Variants in FAM13A observed in about 807,000 individuals in gnomAD.
FAM13A encodes protein FAM13A.
Under a neutral mutation model 129.6 loss-of-function variants are expected in FAM13A, and 76 were observed. The observed-to-expected ratio is 0.59, with a 90% CI of 0.49 to 0.71. The LOEUF is 0.71. FAM13A is among the 30% of genes least tolerant of loss of function. The pLI, the probability that FAM13A is intolerant of heterozygous loss-of-function variation, is 0.00. For synonymous variants in FAM13A, 443 were observed against 449.9 expected, an observed-to-expected ratio of 0.98 and a Z score of 0.20; for missense variants, 1,108 against 1,249.3, an observed-to-expected ratio of 0.89 and a Z score of 1.70.
intron 6 of FAM13A, among the ~76,000 whole-genome samples, chr4:88,881,690 T>C (rs1276263170): frequency 6.6e-6 from 1 of 151,844 alleles, no homozygotes; most frequent in East Asian, 1.9e-4. Context: ...AAGGAGGCAC[T>C]ACAGAAAGGT....
intron 5 of FAM13A, 49 bp from the exon 6 acceptor site, chr4:88,906,511 C>T (rs1748195062): frequency 2.3e-6 from 3 of 1,293,758 alleles, no homozygotes; most frequent in South Asian, 1.3e-5. Context: ...AACACTTACC[C>T]TAACCAAAAA....
intron 4 of FAM13A, among the ~76,000 whole-genome samples, chr4:88,986,123 T>C (rs1185909795): frequency 6.6e-6 from 1 of 151,786 alleles, no homozygotes; most frequent in East Asian, 1.9e-4. Context: ...TCTTTCTCTT[T>C]ACATAATTTT....
At chr4:88,864,482 T>A (rs1443148057) in intron 6 of FAM13A, among the ~76,000 whole-genome samples, 1 of 152,206 alleles carries the variant, frequency 6.6e-6, no homozygotes, top group Non-Finnish European at 1.5e-5. Context: ...GATATCAGCT[T>A]ACTGCAAGCT....
intron 21 of FAM13A, among the ~76,000 whole-genome samples, chr4:88,733,322 A>AGT (rs1738273176): frequency 6.6e-6 from 1 of 152,258 alleles, no homozygotes; most frequent in African/African-American, 2.4e-5. Flanking sequence ...CTGATATCAA[A>AGT]GTATTGCTAT....
chr4:88,749,154 T>G (rs1463913209), intron 16 of FAM13A, 121 bp from the exon 17 acceptor site: 1 of 748,790 alleles, frequency 1.3e-6, no homozygotes, highest in African/African-American at 1.7e-5. Flanking sequence ...AATAAGAAAT[T>G]AAACACGACC....
At chr4:88,765,953 GT>G (rs371070087) in intron 13 of FAM13A, among the ~76,000 whole-genome samples, 39 of 152,324 alleles carry the variant, frequency 2.6e-4, no homozygotes, top group African/African-American at 8.9e-4. Flanking sequence ...ATGTGAGATT[GT>G]TTCCCAATGA....
intron 21 of FAM13A, chr4:88,732,503 T>G: frequency 4.6e-6 from 1 of 217,236 alleles, no homozygotes; most frequent in South Asian, 1.7e-4. Flanking sequence ...CCATCATAAT[T>G]TATAACCTAA....
At chr4:88,812,743 G>T (rs1454984313) in intron 7 of FAM13A, among the ~76,000 whole-genome samples, 1 of 151,778 alleles carries the variant, frequency 6.6e-6, no homozygotes, top group African/African-American at 2.4e-5. Flanking sequence ...TTCCAGATTT[G>T]TTGTTATCTT....
intron 7 of FAM13A, among the ~76,000 whole-genome samples, chr4:88,844,384 G>A (rs73845458): frequency 0.07 from 10,658 of 152,226 alleles, 526 homozygotes; most frequent in African/African-American, 0.14. Flanking sequence ...CTCAATAAAT[G>A]TCTGTGAAAT....
chr4:88,950,418 C>T (rs374925273), intron 4 of FAM13A, among the ~76,000 whole-genome samples: 3 of 152,036 alleles, frequency 2.0e-5, no homozygotes, highest in East Asian at 3.8e-4. Context: ...AATTGTGCCA[C>T]CATGCCCAGC....
chr4:88,989,530 G>C (rs1232000049), intron 4 of FAM13A: 2 of 152,200 alleles, frequency 1.3e-5, no homozygotes, highest in Non-Finnish European at 2.9e-5. Context: ...TGAGCCCGGA[G>C]GGTGGAGGTT....
intron 7 of FAM13A, among the ~76,000 whole-genome samples, chr4:88,838,337 C>G (rs2149918746): frequency 6.6e-6 from 1 of 152,204 alleles, no homozygotes; most frequent in South Asian, 2.1e-4. Context: ...AAAAGAAGTG[C>G]TAAAATAAAA....
intron 21 of FAM13A, among the ~76,000 whole-genome samples, chr4:88,733,355 A>T (rs1343241070): frequency 6.6e-6 from 1 of 152,270 alleles, no homozygotes; most frequent in Non-Finnish European, 1.5e-5. Flanking sequence ...GGCAAAAGCT[A>T]GGTGGCTTTT....
chr4:88,834,439 A>G (rs948411118), intron 7 of FAM13A, among the ~76,000 whole-genome samples: 1 of 152,190 alleles, frequency 6.6e-6, no homozygotes, highest in Non-Finnish European at 1.5e-5. Flanking sequence ...GAAGCAAGCC[A>G]ATAAAACTAG....
chr4:88,825,344 T>C (rs377660552), intron 7 of FAM13A, among the ~76,000 whole-genome samples: 1 of 151,676 alleles, frequency 6.6e-6, no homozygotes, highest in East Asian at 1.9e-4. Context: ...GCCTCCTGAG[T>C]AGCTGGGATT....
chr4:88,755,290 T>G (rs1245602044), intron 14 of FAM13A, among the ~76,000 whole-genome samples: 4 of 152,328 alleles, frequency 2.6e-5, no homozygotes, highest in Admixed American at 6.5e-5. Context: ...CTTGGAAATA[T>G]TTATGGAAGA....
intron 16 of FAM13A, 36 bp downstream of exon 16, chr4:88,749,735 G>T: frequency 6.2e-7 from 1 of 1,607,180 alleles, no homozygotes. Flanking sequence ...CCAGGGAGAG[G>T]ATGAGGCGAA....
intron 6 of FAM13A, among the ~76,000 whole-genome samples, chr4:88,877,004 C>T (rs1292440535): frequency 6.6e-6 from 1 of 152,156 alleles, no homozygotes; most frequent in African/African-American, 2.4e-5. Context: ...GGGAAAAATA[C>T]ATTGAACTGG....
chr4:88,883,250 A>G (rs2150132911), intron 6 of FAM13A, among the ~76,000 whole-genome samples: 1 of 152,250 alleles, frequency 6.6e-6, no homozygotes, highest in Non-Finnish European at 1.5e-5. Flanking sequence ...TCCAAGATAG[A>G]CCACACGATA....
Sources: allele counts gnomAD v4.1 joint callset (sites outside exome capture counted in the v4.1 genomes callset), GRCh38; gene constraint gnomAD v4.1.1; transcripts MANE v1.5; gene names NCBI Gene and HGNC (gene_info 2026-07-23, HGNC 2026-07-21).